Variants in CAMK2D observed in about 807,000 individuals in gnomAD.
CAMK2D encodes calcium/calmodulin dependent protein kinase II delta.
CAMK2D carries 37 observed loss-of-function variants against 84.0 expected under a neutral mutation model. The observed-to-expected ratio is 0.44, with a 90% CI of 0.34 to 0.58. The LOEUF (loss-of-function observed/expected upper bound fraction) is 0.58. CAMK2D is among the 20% of genes least tolerant of loss of function. The pLI, the probability that CAMK2D is intolerant of heterozygous loss-of-function variation, is 0.02. For synonymous variants in CAMK2D, 202 were observed against 212.5 expected, an observed-to-expected ratio of 0.95 and a Z score of 0.43; for missense variants, 448 against 652.5, an observed-to-expected ratio of 0.69 and a Z score of 3.41.
chr4:113,607,489 C>T (rs2154265508), intron 4 of CAMK2D, among the ~76,000 whole-genome samples: 1 of 152,258 alleles, frequency 6.6e-6, no homozygotes, highest in South Asian at 2.1e-4. Context: ...CAGGTCCTGC[C>T]TTGACTGATG....
At chr4:113,500,646 C>A in intron 15 of CAMK2D, 135 bp from the exon 16 acceptor site, 1 of 524,488 alleles carries the variant, frequency 1.9e-6, no homozygotes, top group East Asian at 3.1e-5. Flanking sequence ...TGCAAATGGA[C>A]AAACACATTA....
intron 2 of CAMK2D, among the ~76,000 whole-genome samples, chr4:113,758,217 C>T (rs2099633086): frequency 6.6e-6 from 1 of 152,108 alleles, no homozygotes; most frequent in Admixed American, 6.6e-5. Flanking sequence ...GTGCTGGTTA[C>T]TTTATAGATC....
chr4:113,539,626 C>T (rs914044030), intron 6 of CAMK2D, among the ~76,000 whole-genome samples: 3 of 152,142 alleles, frequency 2.0e-5, no homozygotes, highest in South Asian at 2.1e-4. Flanking sequence ...TCATAACTAA[C>T]GAAGACCTCA....
chr4:113,628,493 C>T (rs529126357), intron 3 of CAMK2D, among the ~76,000 whole-genome samples: 41 of 152,090 alleles, frequency 2.7e-4, no homozygotes, highest in African/African-American at 9.6e-4. Context: ...GGATTCCTGC[C>T]GTGAAACAGT....
At chr4:113,759,241 AT>A in intron 2 of CAMK2D, 78 bp downstream of exon 2, 2 of 799,688 alleles carry the variant, frequency 2.5e-6, no homozygotes. Flanking sequence ...TAACTACATG[AT>A]ATATTTACAT....
chr4:113,545,942 C>T (rs77977501), intron 6 of CAMK2D, among the ~76,000 whole-genome samples: 1,564 of 152,204 alleles, frequency 0.01, 27 homozygotes, highest in African/African-American at 0.035. Context: ...TTAGCTCATA[C>T]GTCAGAGAAT....
intron 3 of CAMK2D, among the ~76,000 whole-genome samples, chr4:113,646,295 C>G (rs909825164): frequency 6.6e-6 from 1 of 152,146 alleles, no homozygotes; most frequent in Non-Finnish European, 1.5e-5. Context: ...ATTTATTGAG[C>G]GCAGACTCTA....
chr4:113,657,067 C>T (rs988974561), intron 3 of CAMK2D, among the ~76,000 whole-genome samples: 23 of 152,124 alleles, frequency 1.5e-4, no homozygotes, highest in Admixed American at 2.0e-4. Flanking sequence ...GATGTCTCCT[C>T]TTAAAAATCT....
At chr4:113,696,758 A>G (rs1367867235) in intron 2 of CAMK2D, among the ~76,000 whole-genome samples, 1 of 152,142 alleles carries the variant, frequency 6.6e-6, no homozygotes, top group African/African-American at 2.4e-5. Context: ...TCCAAAAGGC[A>G]GGCTTCTCTT....
At chr4:113,588,613 C>G (rs1320761434) in intron 4 of CAMK2D, among the ~76,000 whole-genome samples, 2 of 152,102 alleles carry the variant, frequency 1.3e-5, no homozygotes, top group African/African-American at 4.8e-5. Context: ...CATTATGTAA[C>G]CAAAGTAGCA....
In CAMK2D at chr4:113,577,756, A is replaced by ATTTT. The variant is rs36039505; in HGVS notation, c.276-25664_276-25661dup. Among the ~76,000 whole-genome samples, 790 of 148,092 alleles carry ATTTT rather than the reference A, an allele frequency of 5.3e-3. 10 individuals carry two copies. The highest frequency in any genetic ancestry group is 0.019 in the African/African-American group (757 of 40,362). ...TTTTCCTTTGGGCTCTTCGTATACT[A>ATTTT]TTTTTTTTTTTTAGATCTAATAAGC... On this transcript the variant is annotated intron_variant, in intron 4 of 20. Transcript: ENST00000511664.
intron 16 of CAMK2D, among the ~76,000 whole-genome samples, chr4:113,488,444 G>A (rs576364532): frequency 2.6e-4 from 39 of 152,196 alleles, no homozygotes; most frequent in Non-Finnish European, 5.0e-4. Flanking sequence ...TTGAGCAGTA[G>A]GATATAAATA....
intron 4 of CAMK2D, among the ~76,000 whole-genome samples, chr4:113,582,158 A>G (rs1371012924): frequency 6.6e-6 from 1 of 152,182 alleles, no homozygotes; most frequent in Non-Finnish European, 1.5e-5. Flanking sequence ...ATCCAGGTTG[A>G]CCAGTTAGAT....
intron 8 of CAMK2D, among the ~76,000 whole-genome samples, chr4:113,525,058 A>G (rs2154177411): frequency 6.6e-6 from 1 of 152,328 alleles, no homozygotes; most frequent in South Asian, 2.1e-4. Context: ...GTAACTGATA[A>G]TGACTTACAC....
intron 2 of CAMK2D, among the ~76,000 whole-genome samples, chr4:113,682,173 G>T (rs2099347894): frequency 6.6e-6 from 1 of 152,144 alleles, no homozygotes; most frequent in Non-Finnish European, 1.5e-5. Context: ...TCACAGAATA[G>T]GAGCTAAATG....
At chr4:113,748,108 C>T (rs2099608810) in intron 2 of CAMK2D, among the ~76,000 whole-genome samples, 1 of 152,030 alleles carries the variant, frequency 6.6e-6, no homozygotes, top group Non-Finnish European at 1.5e-5. Context: ...TTTCCCTGAC[C>T]TCTCATCAAC....
intron 2 of CAMK2D, among the ~76,000 whole-genome samples, chr4:113,706,559 G>C (rs569793227): frequency 6.6e-6 from 1 of 152,184 alleles, no homozygotes; most frequent in East Asian, 1.9e-4. Flanking sequence ...AAGTGAAAAG[G>C]AAATGTGGCT....
intron 2 of CAMK2D, among the ~76,000 whole-genome samples, chr4:113,714,038 G>T (rs1425184910): frequency 6.6e-6 from 1 of 151,760 alleles, no homozygotes. Flanking sequence ...ATAACTTGTT[G>T]TAACTTGTTT....
At chr4:113,584,246 G>T (rs954224765) in intron 4 of CAMK2D, among the ~76,000 whole-genome samples, 1 of 152,124 alleles carries the variant, frequency 6.6e-6, no homozygotes, top group Admixed American at 6.6e-5. Flanking sequence ...TGTGGGAGAT[G>T]GAGATTGACC....
Sources: allele counts gnomAD v4.1 joint callset (sites outside exome capture counted in the v4.1 genomes callset), GRCh38; gene constraint gnomAD v4.1.1; transcripts MANE v1.5; gene names NCBI Gene and HGNC (gene_info 2026-07-23, HGNC 2026-07-21).